Variants in ABCB11 observed in about 807,000 individuals in gnomAD.
ABCB11 encodes ATP binding cassette subfamily B member 11.
Under a neutral mutation model 148.0 loss-of-function variants are expected in ABCB11, and 95 were observed. The observed-to-expected ratio is 0.64, with a 90% CI of 0.54 to 0.76. The LOEUF (loss-of-function observed/expected upper bound fraction) is 0.76. Among genes scored for constraint, ABCB11 ranks in the 30% least tolerant of loss-of-function variants. The pLI is 0.00. For missense variants in ABCB11, 1,523 were observed against 1,617.8 expected (o/e 0.94, Z 1.01); for synonymous variants, 591 against 555.4 (o/e 1.06, Z -0.90).
chr2:169,029,691 G>A (rs942448563), intron 1 of ABCB11, among the ~76,000 whole-genome samples: 1 of 147,150 alleles, frequency 6.8e-6, no homozygotes, highest in Non-Finnish European at 1.5e-5. Context: ...CTGCCACAGC[G>A]ATTCTTTGTC....
chr2:169,016,936 GC>G, intron 2 of ABCB11, 137 bp from the exon 3 acceptor site: 1 of 639,254 alleles, frequency 1.6e-6, no homozygotes, highest in Non-Finnish European at 2.8e-6. Context: ...ATGACTATTT[GC>G]CTTTTCTTTC....
chr2:168,956,487 T>TA (rs1553553187), intron 19 of ABCB11, among the ~76,000 whole-genome samples: 3 of 151,672 alleles, frequency 2.0e-5, no homozygotes, highest in Admixed American at 6.6e-5. Flanking sequence ...GGGAGATTTT[T>TA]AAAAAATACT....
At chr2:168,938,245 G>A (rs564687387) in intron 21 of ABCB11, among the ~76,000 whole-genome samples, 2 of 152,202 alleles carry the variant, frequency 1.3e-5, no homozygotes, top group South Asian at 2.1e-4. Flanking sequence ...GTACACCCAC[G>A]TTCAGAGCAG....
intron 11 of ABCB11, among the ~76,000 whole-genome samples, chr2:168,977,438 A>G (rs1232353213): frequency 6.6e-6 from 1 of 152,058 alleles, no homozygotes. Context: ...CCAACTTTCA[A>G]TTGTTGTCCT....
intron 25 of ABCB11, among the ~76,000 whole-genome samples, chr2:168,930,372 G>A (rs1364784462): frequency 6.6e-6 from 1 of 152,056 alleles, no homozygotes; most frequent in African/African-American, 2.4e-5. Context: ...CTCCATTTAC[G>A]GGTAAGTGAG....
intron 18 of ABCB11, among the ~76,000 whole-genome samples, chr2:168,959,934 CAAAAAAAA>C (rs375450217): frequency 2.1e-4 from 18 of 87,190 alleles, no homozygotes; most frequent in Admixed American, 6.8e-4. Context: ...ACTGCATCTC[CAAAAAAAA>C]AAAAAAAAAA....
intron 18 of ABCB11, among the ~76,000 whole-genome samples, chr2:168,960,891 CACAG>C (rs779428403): frequency 1.1e-4 from 17 of 151,728 alleles, no homozygotes; most frequent in Admixed American, 1.3e-4. Context: ...CAACAAATCT[CACAG>C]ACAGGTAAAA....
chr2:168,988,888 G>A (rs10206671), intron 9 of ABCB11, among the ~76,000 whole-genome samples: 13,756 of 152,064 alleles, frequency 0.09, 1,599 homozygotes, highest in African/African-American at 0.27. Context: ...CTTTTCACAT[G>A]CCTGTTGTAT....
intron 18 of ABCB11, among the ~76,000 whole-genome samples, chr2:168,961,978 A>C (rs1405829593): frequency 6.6e-6 from 1 of 151,758 alleles, no homozygotes; most frequent in Non-Finnish European, 1.5e-5. Flanking sequence ...AAGTATTAAA[A>C]TACTTTAAAA....
intron 19 of ABCB11, among the ~76,000 whole-genome samples, chr2:168,953,952 T>C (rs1335671972): frequency 6.6e-6 from 1 of 151,654 alleles, no homozygotes; most frequent in African/African-American, 2.4e-5. Context: ...AATGTTCACC[T>C]TACATATGTT....
At chr2:168,987,983 CTTATA>C (rs1404438177) in intron 9 of ABCB11, among the ~76,000 whole-genome samples, 1 of 151,424 alleles carries the variant, frequency 6.6e-6, no homozygotes, top group Non-Finnish European at 1.5e-5. Context: ...ACCTCACATA[CTTATA>C]TTGTGTGTGT....
At chr2:169,012,959 A>G (rs1293420253) in intron 5 of ABCB11, among the ~76,000 whole-genome samples, 1 of 152,094 alleles carries the variant, frequency 6.6e-6, no homozygotes, top group African/African-American at 2.4e-5. Context: ...AGTAAAATTC[A>G]TGGGTCACCT....
chr2:168,999,945 T>C (rs1694822887), intron 5 of ABCB11, among the ~76,000 whole-genome samples: 1 of 152,126 alleles, frequency 6.6e-6, no homozygotes, highest in East Asian at 1.9e-4. Flanking sequence ...GCATGAGTGA[T>C]GGTAGAGTGA....
chr2:168,944,890 C>T lies in ABCB11; in HGVS notation c.2415G>A (p.Met805Ile). The T allele has an allele frequency of 1.3e-6, 2 of 1,580,772 alleles. No individual in the cohort carries two copies. The highest frequency in any genetic ancestry group is 1.3e-5 in the African/African-American group (1 of 74,104). Reference protein sequence around the residue: ...INGVCLLFVAMGCVSLFTQFL... With the variant: ...INGVCLLFVAIGCVSLFTQFL... ...ATTGGGTGAAAAGAGATACACAGCC[C>T]ATTGCTACAAAAAGTAGGCACACAC... The change falls in exon 20 of 28, where the codon ATG becomes ATA. Residue 805 changes from methionine to isoleucine, a missense_variant. Transcript: ENST00000650372.
At chr2:168,934,951 TCTG>T (rs1397719893) in intron 23 of ABCB11, among the ~76,000 whole-genome samples, 1 of 152,162 alleles carries the variant, frequency 6.6e-6, no homozygotes, top group African/African-American at 2.4e-5. Flanking sequence ...AAGAAGCTCA[TCTG>T]CTAGACAGGC....
chr2:168,969,580 C>A, intron 15 of ABCB11, 29 bp from the exon 16 acceptor site: 1 of 1,584,572 alleles, frequency 6.3e-7, no homozygotes, highest in Non-Finnish European at 8.7e-7. Flanking sequence ...CACCATTAAA[C>A]AAAACTGTGA....
intron 5 of ABCB11, among the ~76,000 whole-genome samples, chr2:169,011,427 T>G (rs1242447971): frequency 2.6e-5 from 4 of 152,228 alleles, no homozygotes; most frequent in Non-Finnish European, 5.9e-5. Context: ...TCAATCTCTC[T>G]TTTATACAAA....
At position 169,016,806 on chromosome 2, in the gene ABCB11, GA is replaced by G. The variant is rs746419453; in HGVS notation, c.77-8del. 1.0e-4 allele frequency: 161 copies of G among 1,565,260 alleles called. No individual in the cohort carries two copies. The highest frequency in any genetic ancestry group is 5.3e-4 in the East Asian group (23 of 43,480). On this transcript the variant is annotated splice_region_variant and splice_polypyrimidine_tract_variant and intron_variant, in intron 2 of 27. Transcript: ENST00000650372. ...GATTTCTTATCATTATTATCTGTCA[GA>G]AAAAAAAATCAACGCAAAAAAGCAG...
At chr2:168,986,446 T>C (rs1694328612) in intron 9 of ABCB11, among the ~76,000 whole-genome samples, 162 bp from the exon 10 acceptor site, 1 of 152,128 alleles carries the variant, frequency 6.6e-6, no homozygotes, top group Middle Eastern at 3.2e-3. Flanking sequence ...ATGTAGTTTT[T>C]TAAAGTTTGT....
Sources: allele counts gnomAD v4.1 joint callset (sites outside exome capture counted in the v4.1 genomes callset), GRCh38; gene constraint gnomAD v4.1.1; transcripts MANE v1.5; gene names NCBI Gene and HGNC (gene_info 2026-07-23, HGNC 2026-07-21).